Variants in PPP2R5D observed in about 807,000 individuals in gnomAD.
The protein encoded by PPP2R5D is serine/threonine-protein phosphatase 2A 56 kDa regulatory subunit delta isoform.
Under a neutral mutation model 79.1 loss-of-function variants are expected in PPP2R5D, and 12 were observed. The ratio of observed to expected loss-of-function variants is 0.15; its 90% CI spans 0.10 to 0.25. The LOEUF is 0.25. Ranked by LOEUF, PPP2R5D falls within the 10% of genes least tolerant of loss-of-function variation. PPP2R5D has a pLI of 1.00. For synonymous variants in PPP2R5D, 277 were observed against 286.6 expected, an observed-to-expected ratio of 0.97 and a Z score of 0.34; for missense variants, 419 against 760.2, an observed-to-expected ratio of 0.55 and a Z score of 5.28.
intron 2 of PPP2R5D, among the ~76,000 whole-genome samples, chr6:42,997,373 G>A (rs762361040): frequency 7.9e-5 from 12 of 152,000 alleles, no homozygotes; most frequent in Non-Finnish European, 1.3e-4. Context: ...TGTATTTTTA[G>A]TAGAGATGGG....
rs1762386429 is a variant in PPP2R5D, at chr6:43,012,225, G to C, written c.*939G>C. The C allele has an allele frequency of 1.7e-6, 2 of 1,193,796 alleles. No individual in the cohort carries two copies. Among genetic ancestry groups the C allele is most frequent in the Admixed American group, 4.3e-5 (1 of 23,234 alleles). 74.0% of individuals were successfully genotyped at this position (1,193,796 alleles called of 1,614,324 possible). ...AGGTTCCAGGGGCGCAGGCAGTGCG[G>C]CTTTTGGCTGTGTACATAGGGTGCT... is the stretch of plus-strand genomic sequence containing the variant. On this transcript the variant is annotated 3_prime_UTR_variant, in exon 16 of 16. Coordinates refer to ENST00000485511, the MANE Select transcript of PPP2R5D (RefSeq NM_006245.4).
chr6:42,994,850 T>C (rs1211933978), intron 2 of PPP2R5D, among the ~76,000 whole-genome samples: 2 of 151,288 alleles, frequency 1.3e-5, no homozygotes, highest in Non-Finnish European at 2.9e-5. Context: ...TGTCATAGAC[T>C]CCTCTACGTG....
intron 2 of PPP2R5D, among the ~76,000 whole-genome samples, chr6:42,993,498 A>G (rs992125044): frequency 6.6e-6 from 1 of 152,160 alleles, no homozygotes; most frequent in Non-Finnish European, 1.5e-5. Context: ...ACAAAAAAAG[A>G]AATACATTCT....
At chr6:42,995,175 G>T (rs1437570340) in intron 2 of PPP2R5D, among the ~76,000 whole-genome samples, 1 of 137,896 alleles carries the variant, frequency 7.3e-6, no homozygotes, top group Non-Finnish European at 1.5e-5. Flanking sequence ...GTGTTCCCCA[G>T]GCTGGAGTAC....
Position 43,006,324 on chromosome 6 carries a change from G to T in PPP2R5D, c.106-139G>T, listed in dbSNP as rs1762074711. 4.2e-6 allele frequency: 6 copies of T among 1,422,622 alleles called. No individual in the cohort carries two copies. The highest frequency in any genetic ancestry group is 5.6e-6 in the Non-Finnish European group (6 of 1,078,680). The allele number at this position is 1,422,622 out of a possible 1,614,324, so 88.1% of individuals were successfully genotyped here. On this transcript the variant is annotated intron_variant, in intron 2 of 15. Transcript: ENST00000485511. The surrounding 1 kb of genome is among the most constrained non-coding windows in gnomAD (Gnocchi z 4.7). ...ACAGCACAGTTATCTCTGTAACCCT[G>T]GCCTTAGCTCCTTCGGGGCAGGAGA...
chr6:42,996,964 A>C (rs1771740235), intron 2 of PPP2R5D, among the ~76,000 whole-genome samples: 1 of 152,008 alleles, frequency 6.6e-6, no homozygotes. Context: ...CTTATATTAA[A>C]TACTTTCTAT....
chr6:42,984,656 G>C lies in PPP2R5D; in HGVS notation c.-22G>C. The C allele has an allele frequency of 6.3e-7, 1 of 1,597,202 alleles. No individual in the cohort carries two copies. The highest frequency in any genetic ancestry group is 8.5e-7 in the Non-Finnish European group (1 of 1,173,258). ...AGCCGGAGCGGGGCCGCAGGAGACG[G>C]GCCGGGTCCGGACGGGCCGAGATGC... On this transcript the variant is annotated 5_prime_UTR_variant, in exon 1 of 16. Coordinates refer to ENST00000485511, the MANE Select transcript of PPP2R5D (RefSeq NM_006245.4).
intron 2 of PPP2R5D, among the ~76,000 whole-genome samples, chr6:42,998,218 G>T (rs533072882): frequency 6.7e-6 from 1 of 149,638 alleles, no homozygotes; most frequent in African/African-American, 2.5e-5. Flanking sequence ...GGGAATACAG[G>T]TGCGTGCCAC....
At chr6:43,004,647 T>C (rs1315341250) in intron 2 of PPP2R5D, among the ~76,000 whole-genome samples, 1 of 151,434 alleles carries the variant, frequency 6.6e-6, no homozygotes, top group East Asian at 1.9e-4. Context: ...ATCATTCTTA[T>C]GCCTTTCTGC....
intron 2 of PPP2R5D, among the ~76,000 whole-genome samples, chr6:42,995,319 A>G (rs745582847): frequency 6.6e-6 from 1 of 151,004 alleles, no homozygotes; most frequent in Non-Finnish European, 1.5e-5. Context: ...TTTTGTAGAG[A>G]TAGGTTTCTT....
rs1762211114 is a variant in PPP2R5D, at chr6:43,008,648, T to G, written c.1027-45T>G. ...TCTATCACTGACTTCTCTGAGAGCT[T>G]CTAGGACCTACACCTCACCTCCCTT... On this transcript the variant is annotated intron_variant, in intron 9 of 15. Transcript: ENST00000485511. This position sits in a 1 kb window ranked among gnomAD's most constrained non-coding sequence, Gnocchi z 4.2. 1 of 1,594,432 alleles carries G rather than the reference T, an allele frequency of 6.3e-7. No individual in the cohort carries two copies. The highest frequency in any genetic ancestry group is 1.1e-5 in the South Asian group (1 of 90,622).
intron 2 of PPP2R5D, among the ~76,000 whole-genome samples, chr6:42,992,963 GC>G (rs1421162368): frequency 6.6e-6 from 1 of 150,948 alleles, no homozygotes; most frequent in African/African-American, 2.4e-5. Flanking sequence ...GAGTTTGAGA[GC>G]AGCGTGGCCA....
Position 43,011,221 on chromosome 6 carries a change from A to G in PPP2R5D, c.1744A>G (p.Ile582Val). The change falls in exon 16 of 16, where the codon ATC becomes GTC. Residue 582 changes from isoleucine to valine, a missense_variant. This residue lies in a region of PPP2R5D where 84 missense variants were observed against 105.4 expected (regional missense o/e 0.80). Transcript: ENST00000485511. ...KSELPQDVYTIKALEAHKRAE... is the reference protein window; with the variant it reads ...KSELPQDVYTVKALEAHKRAE... ...GGAGCTGCCCCAGGACGTGTACACC[A>G]TCAAGGCACTGGAGGCGCACAAGCG... The G allele has an allele frequency of 1.2e-6, 2 of 1,614,144 alleles. No homozygotes were observed. The highest frequency in any genetic ancestry group is 1.7e-6 in the Non-Finnish European group (2 of 1,180,010).
At chr6:43,004,739 G>C (rs776951732) in intron 2 of PPP2R5D, among the ~76,000 whole-genome samples, 2 of 149,510 alleles carry the variant, frequency 1.3e-5, no homozygotes, top group Admixed American at 6.6e-5. Context: ...ACTAAACTAT[G>C]TATTACATAG....
chr6:42,997,702 A>G (rs1188230243), intron 2 of PPP2R5D, among the ~76,000 whole-genome samples: 2 of 151,044 alleles, frequency 1.3e-5, no homozygotes, highest in East Asian at 3.9e-4. Context: ...TACATTTTGT[A>G]CTAAAAGCTA....
At position 43,002,578 on chromosome 6, in the gene PPP2R5D, G is replaced by T. The variant is rs1003175212; in HGVS notation, c.106-3885G>T. Among the ~76,000 whole-genome samples, 7 of 152,032 alleles carry T rather than the reference G, an allele frequency of 4.6e-5. No homozygotes were observed. In the East Asian group the frequency reaches 1.2e-3, roughly 25 times the overall value. ...ACTACCACTTCCCCCACCCCAAGGT[G>T]CAACTCATCTGCCATATGTAGAAAG... On this transcript the variant is annotated intron_variant, in intron 2 of 15. Coordinates refer to ENST00000485511, the MANE Select transcript of PPP2R5D (RefSeq NM_006245.4).
At position 43,011,258 on chromosome 6, in the gene PPP2R5D, T is replaced by A; in HGVS notation, c.1781T>A (p.Phe594Tyr). The A allele has an allele frequency of 6.2e-7, 1 of 1,613,950 alleles. No individual in the cohort carries two copies. Among genetic ancestry groups the A allele is most frequent in the African/African-American group, 1.3e-5 (1 of 74,992 alleles). ...ALEAHKRAEE[F>Y]LTASQEAL is the part of the protein sequence containing the mutation. ...GAGGCGCACAAGCGGGCGGAAGAGT[T>A]CCTAACTGCCAGCCAGGAGGCTCTC... Residue 594 changes from phenylalanine (F) to tyrosine (Y), a missense_variant, in exon 16 of 16, where the codon TTC (phenylalanine) becomes TAC (tyrosine). Physicochemically the swap from Phe to Tyr is conservative, Grantham distance 22. This residue lies in a region of PPP2R5D where 84 missense variants were observed against 105.4 expected (regional missense o/e 0.80). Coordinates refer to ENST00000485511, the MANE Select transcript of PPP2R5D (RefSeq NM_006245.4).
In PPP2R5D at chr6:43,009,361, A is replaced by C; in HGVS notation, c.1291A>C (p.Ile431Leu). The C allele has an allele frequency of 3.1e-6, 5 of 1,614,078 alleles. No individual in the cohort carries two copies. Among genetic ancestry groups the C allele is most frequent in the Non-Finnish European group, 4.2e-6 (5 of 1,180,016 alleles). The change falls in exon 12 of 16, where the codon ATC (isoleucine) becomes CTC (leucine). Residue 431 changes from isoleucine (I) to leucine (L), a missense_variant. Physicochemically the swap from Ile to Leu is conservative, Grantham distance 5. This residue lies in a region of PPP2R5D where 196 missense variants were observed against 424.5 expected (regional missense o/e 0.46). Coordinates refer to ENST00000485511, the MANE Select transcript of PPP2R5D (RefSeq NM_006245.4). The surrounding 1 kb of genome is among the most constrained non-coding windows in gnomAD (Gnocchi z 5.6). ...RALYYWNNEY[I>L]MSLISDNAAR... ...TCTCTATTACTGGAACAATGAGTAC[A>C]TCATGAGCCTGATAAGTGACAATGC...
chr6:42,984,665 C>G lies in PPP2R5D; in HGVS notation c.-13C>G. On this transcript the variant is annotated 5_prime_UTR_variant, in exon 1 of 16. Transcript: ENST00000485511. ...GGGGCCGCAGGAGACGGGCCGGGTC[C>G]GGACGGGCCGAGATGCCCTATAAAC... 1.2e-6 allele frequency: 2 copies of G among 1,602,546 alleles called. No homozygotes were observed. The highest frequency in any genetic ancestry group is 2.2e-5 in the South Asian group (2 of 89,162).
Sources: allele counts gnomAD v4.1 joint callset (sites outside exome capture counted in the v4.1 genomes callset), GRCh38; gene constraint gnomAD v4.1.1; regional missense constraint gnomAD v4.1.1; non-coding constraint Gnocchi (gnomAD v3.1); transcripts MANE v1.5; gene names NCBI Gene and HGNC (gene_info 2026-07-23, HGNC 2026-07-21).